GK: variants seen among roughly 807,000 people sequenced by gnomAD.
The protein encoded by GK is ATP:glycerol 3-phosphotransferase.
Under a neutral mutation model 56.4 loss-of-function variants are expected in GK, and 9 were observed. That is an observed-to-expected ratio of 0.16 (90% CI 0.10 to 0.28). GK has a LOEUF of 0.28. GK is among the 10% of genes least tolerant of loss of function. The pLI, the probability that GK is intolerant of heterozygous loss-of-function variation, is 1.00. For synonymous variants in GK, 104 were observed against 144.1 expected (o/e 0.72, Z 1.99); for missense variants, 161 against 431.4 (o/e 0.37, Z 5.55).
At chrX:30,653,905 C>A (rs951932513) in intron 1 of GK, among the ~76,000 whole-genome samples, 3 of 112,645 alleles carry the variant, frequency 2.7e-5, no homozygotes, top group Admixed American at 9.3e-5. Flanking sequence ...AGGGACTCTC[C>A]GAGCATCCGC....
chrX:30,690,879 G>T (rs762762001), intron 4 of GK, among the ~76,000 whole-genome samples: 6 of 111,491 alleles, frequency 5.4e-5, no homozygotes, highest in East Asian at 2.8e-4. Flanking sequence ...GCACTCTAAG[G>T]TTTGTATTAT....
At chrX:30,677,735 G>C (rs1194815205) in intron 4 of GK, among the ~76,000 whole-genome samples, 1 of 105,338 alleles carries the variant, frequency 9.5e-6, no homozygotes, top group Non-Finnish European at 1.9e-5. Context: ...TGAAGCAGGA[G>C]AATTGATTGA....
chrX:30,659,686 G>A lies in GK; in HGVS notation c.79-5825G>A, dbSNP rs149784415. Among the ~76,000 whole-genome samples, 531 of 112,397 alleles carry A rather than the reference G, an allele frequency of 4.7e-3. 3 individuals carry two copies. Among genetic ancestry groups the A allele is most frequent in the African/African-American group, 0.016 (497 of 30,954 alleles). ...GTTACTTAGTAAAGAGAGCATTTCA[G>A]CTCCCCAGAAGTCTCATTCTTATAA... On this transcript the variant is annotated intron_variant, in intron 1 of 20. Transcript: ENST00000427190.
At chrX:30,675,772 G>A (rs1198347362) in intron 3 of GK, among the ~76,000 whole-genome samples, 1 of 109,799 alleles carries the variant, frequency 9.1e-6, no homozygotes, top group Non-Finnish European at 1.9e-5. Context: ...TGGGACTAAA[G>A]GAACACACCA....
chrX:30,708,317 C>A (rs926536978), intron 13 of GK, among the ~76,000 whole-genome samples, 183 bp downstream of exon 13: 1 of 110,911 alleles, frequency 9.0e-6, no homozygotes, highest in Non-Finnish European at 1.9e-5. Context: ...TCACAGGAGA[C>A]CTTGATTAGA....
At chrX:30,710,221 G>A (rs1236339575) in intron 13 of GK, among the ~76,000 whole-genome samples, 2 of 111,232 alleles carry the variant, frequency 1.8e-5, no homozygotes, top group Non-Finnish European at 3.8e-5. Context: ...GGACATCAAA[G>A]CCTTGATGCC....
chrX:30,703,094 T>C (rs1338325866), intron 11 of GK, among the ~76,000 whole-genome samples: 1 of 112,042 alleles, frequency 8.9e-6, no homozygotes, highest in Non-Finnish European at 1.9e-5. Flanking sequence ...CAAAAGATTA[T>C]CTTAGTAATG....
At chrX:30,685,244 G>A (rs1934532005) in intron 4 of GK, among the ~76,000 whole-genome samples, 1 of 109,818 alleles carries the variant, frequency 9.1e-6, no homozygotes. Context: ...CCATTCTCCT[G>A]CCTCAGCCTC....
In GK at chrX:30,682,387, A is replaced by G. The variant is rs1934328236; in HGVS notation, c.337+4935A>G. ...AACCCTTGGCATATAGTGACAAACC[A>G]GGAAGACCTTGTACTTGACTTTCTG... On this transcript the variant is annotated intron_variant, in intron 4 of 20. Transcript: ENST00000427190. Among the ~76,000 whole-genome samples the G allele has an allele frequency of 2.7e-5, 3 of 112,025 alleles. No individual in the cohort carries two copies. The South Asian group carries it at 1.1e-3, about 41-fold the overall frequency.
intron 4 of GK, among the ~76,000 whole-genome samples, chrX:30,690,532 A>T (rs1404322876): frequency 9.0e-6 from 1 of 111,479 alleles, no homozygotes; most frequent in African/African-American, 3.3e-5. Context: ...ATACTCCAGC[A>T]GAGAGAAAGA....
At chrX:30,701,200 G>A (rs754129085) in intron 11 of GK, among the ~76,000 whole-genome samples, 17 of 111,568 alleles carry the variant, frequency 1.5e-4, no homozygotes, top group East Asian at 2.8e-4. Flanking sequence ...ACCTGAGGCC[G>A]GGAGTTAGAG....
Position 30,694,386 on chromosome X carries a change from C to T in GK, c.415-14C>T. On this transcript the variant is annotated splice_polypyrimidine_tract_variant and intron_variant, in intron 5 of 20. Transcript: ENST00000427190. ...CACTTTTCATTTGCTAACTGAACTT[C>T]ACAACTGTTTTAGTCCAAGACAGGC... 8.3e-7 allele frequency: 1 copy of T among 1,199,245 alleles called. No individual in the cohort carries two copies. Among genetic ancestry groups the T allele is most frequent in the East Asian group, 3.0e-5 (1 of 33,811 alleles).
At chrX:30,722,168 C>T (rs946870888) in intron 18 of GK, among the ~76,000 whole-genome samples, 35 of 111,924 alleles carry the variant, frequency 3.1e-4, no homozygotes, top group Non-Finnish European at 3.8e-4. Context: ...GAGAATATAC[C>T]AGTGTTTCTC....
intron 13 of GK, among the ~76,000 whole-genome samples, chrX:30,714,807 A>G (rs190590399): frequency 3.4e-3 from 387 of 112,323 alleles, no homozygotes; most frequent in Non-Finnish European, 5.8e-3. Context: ...AACATTGTTT[A>G]TGAACTTTTA....
chrX:30,676,088 G>A (rs1933880556), intron 3 of GK, among the ~76,000 whole-genome samples: 1 of 111,905 alleles, frequency 8.9e-6, no homozygotes, highest in African/African-American at 3.2e-5. Flanking sequence ...ACCACGCCAG[G>A]CCATCTGGCT....
intron 4 of GK, among the ~76,000 whole-genome samples, chrX:30,684,394 G>A (rs923880199): frequency 2.7e-5 from 3 of 112,140 alleles, no homozygotes; most frequent in African/African-American, 9.7e-5. Context: ...GGCCAGGCGT[G>A]GTGGCTCACG....
At position 30,728,939 on chromosome X, in the gene GK, G is replaced by C; in HGVS notation, c.*197G>C. 2 of 399,683 alleles carry C rather than the reference G, an allele frequency of 5.0e-6. No individual in the cohort carries two copies. The highest frequency in any genetic ancestry group is 8.6e-6 in the Non-Finnish European group (2 of 233,247). 32.9% of individuals were successfully genotyped at this position (399,683 alleles called of 1,213,427 possible). ...AAAAAGAATGCTATAGAAATATTTGGTGGTTTTTTTTTTTTTTAAACATCC... is the reference window on the plus strand; with the variant it reads ...AAAAAGAATGCTATAGAAATATTTGCTGGTTTTTTTTTTTTTTAAACATCC... On this transcript the variant is annotated 3_prime_UTR_variant, in exon 21 of 21. Transcript: ENST00000427190.
chrX:30,712,959 C>T (rs1463062066), intron 13 of GK, among the ~76,000 whole-genome samples: 2 of 110,558 alleles, frequency 1.8e-5, no homozygotes, highest in African/African-American at 6.6e-5. Flanking sequence ...TGGTCTCGAT[C>T]TCCTGACCTG....
At chrX:30,663,505 A>G (rs1334933527) in intron 1 of GK, among the ~76,000 whole-genome samples, 1 of 111,328 alleles carries the variant, frequency 9.0e-6, no homozygotes, top group East Asian at 2.8e-4. Flanking sequence ...TATCCTAGAG[A>G]CATACCCTAA....
Sources: allele counts gnomAD v4.1 joint callset (sites outside exome capture counted in the v4.1 genomes callset), GRCh38; gene constraint gnomAD v4.1.1; transcripts MANE v1.5; gene names NCBI Gene and HGNC (gene_info 2026-07-23, HGNC 2026-07-21).